GPM6A: variants seen among roughly 807,000 people sequenced by gnomAD.
The protein encoded by GPM6A is glycoprotein M6A, also known as neuronal membrane glycoprotein M6-a.
Under a neutral mutation model 32.1 loss-of-function variants are expected in GPM6A, and 7 were observed. The ratio of observed to expected loss-of-function variants is 0.22; its 90% CI spans 0.12 to 0.41. The LOEUF is 0.41. GPM6A is among the 10% of genes least tolerant of loss of function. The pLI, the probability that GPM6A is intolerant of heterozygous loss-of-function variation, is 1.00. For synonymous variants in GPM6A, 130 were observed against 123.4 expected, an observed-to-expected ratio of 1.05 and a Z score of -0.35; for missense variants, 235 against 347.2, an observed-to-expected ratio of 0.68 and a Z score of 2.57.
intron 1 of GPM6A, among the ~76,000 whole-genome samples, chr4:175,733,766 A>G (rs988015939): frequency 6.6e-6 from 1 of 152,236 alleles, no homozygotes; most frequent in South Asian, 2.1e-4. Flanking sequence ...TCCTGTTTTC[A>G]AGCTTGATTG....
At chr4:175,811,974 G>T (rs778132046) in intron 1 of GPM6A, 3 of 469,498 alleles carry the variant, frequency 6.4e-6, no homozygotes, top group Non-Finnish European at 1.1e-5. Flanking sequence ...ACTAATACTC[G>T]ACTCTGCATT....
At chr4:175,769,722 T>TA (rs1319735823) in intron 1 of GPM6A, among the ~76,000 whole-genome samples, 18 of 152,248 alleles carry the variant, frequency 1.2e-4, no homozygotes, top group African/African-American at 3.4e-4. Flanking sequence ...GTCTATGTCT[T>TA]ACTACCCTCA....
At chr4:175,768,881 A>G (rs1733078547) in intron 1 of GPM6A, among the ~76,000 whole-genome samples, 1 of 152,106 alleles carries the variant, frequency 6.6e-6, no homozygotes, top group African/African-American at 2.4e-5. Context: ...GGATCACTTG[A>G]GGTCAGGAGT....
chr4:175,773,600 C>T (rs1054170725), intron 1 of GPM6A, among the ~76,000 whole-genome samples: 2 of 152,094 alleles, frequency 1.3e-5, no homozygotes, highest in South Asian at 4.1e-4. Flanking sequence ...TATATTAGCA[C>T]ACTTGTGAGA....
At chr4:175,812,897 G>T, upstream of GPM6A, 1 of 984,816 alleles carries the variant, frequency 1.0e-6, no homozygotes, top group East Asian at 1.1e-4. Context: ...AAAGGATGCA[G>T]TTATACCATC....
intron 2 of GPM6A, among the ~76,000 whole-genome samples, chr4:175,692,903 T>C (rs188651254): frequency 1.4e-3 from 211 of 152,238 alleles, no homozygotes; most frequent in Non-Finnish European, 2.6e-3. Flanking sequence ...GGGTCTCTTT[T>C]TACCTTTATA....
At chr4:175,962,683 G>A (rs976256546) in intron 1 of GPM6A, among the ~76,000 whole-genome samples, 1 of 151,966 alleles carries the variant, frequency 6.6e-6, no homozygotes, top group Non-Finnish European at 1.5e-5. Flanking sequence ...TAGTAAACAC[G>A]GCCTAATTCC....
chr4:175,892,228 A>T (rs1428459225), intron 1 of GPM6A, among the ~76,000 whole-genome samples: 2 of 152,232 alleles, frequency 1.3e-5, no homozygotes, highest in Non-Finnish European at 2.9e-5. Context: ...CATAATTAAA[A>T]TCCTTAAATA....
intron 3 of GPM6A, among the ~76,000 whole-genome samples, chr4:175,654,614 G>T (rs1462456740): frequency 7.9e-5 from 12 of 152,020 alleles, no homozygotes; most frequent in Admixed American, 7.9e-4. Context: ...TTAAAAGAAT[G>T]ATGAGTTCTT....
intron 1 of GPM6A, among the ~76,000 whole-genome samples, chr4:175,991,773 C>G (rs1011330306): frequency 6.6e-6 from 1 of 151,882 alleles, no homozygotes; most frequent in African/African-American, 2.4e-5. Context: ...ATGATCTGTT[C>G]CATGCCCTGA....
At chr4:175,730,392 G>A (rs1731366813) in intron 1 of GPM6A, among the ~76,000 whole-genome samples, 1 of 151,492 alleles carries the variant, frequency 6.6e-6, no homozygotes, top group Non-Finnish European at 1.5e-5. Context: ...ACAGGCATGT[G>A]TCACCACGCC....
chr4:175,636,258 C>G (rs1184597642), intron 6 of GPM6A, among the ~76,000 whole-genome samples: 1 of 34,100 alleles, frequency 2.9e-5, no homozygotes, highest in Non-Finnish European at 7.2e-5. Context: ...AGCATAATCA[C>G]TGTATATATA....
intron 1 of GPM6A, among the ~76,000 whole-genome samples, chr4:175,758,913 A>G (rs1171202251): frequency 6.6e-6 from 1 of 152,216 alleles, no homozygotes; most frequent in African/African-American, 2.4e-5. Context: ...CAAGGCAGAC[A>G]GCCTCTTCCA....
intron 6 of GPM6A, among the ~76,000 whole-genome samples, chr4:175,639,614 A>T (rs1181391373): frequency 6.6e-6 from 1 of 152,170 alleles, no homozygotes; most frequent in Non-Finnish European, 1.5e-5. Context: ...GATCCTCCTC[A>T]TTGTGTAAAA....
intron 3 of GPM6A, among the ~76,000 whole-genome samples, chr4:175,668,517 T>TTGTGTGTGTGTG (rs1445605789): frequency 4.4e-5 from 1 of 22,798 alleles, no homozygotes; most frequent in Admixed American, 9.7e-4. Flanking sequence ...ATTCAAACGT[T>TTGTGTGTGTGTG]TATGTGTGTG....
chr4:175,955,752 G>A (rs1739964923), intron 1 of GPM6A, among the ~76,000 whole-genome samples: 1 of 152,154 alleles, frequency 6.6e-6, no homozygotes, highest in Non-Finnish European at 1.5e-5. Flanking sequence ...TACTGATGGA[G>A]CTTGCTTCAA....
chr4:175,747,269 CAAA>C (rs5864346), intron 1 of GPM6A, among the ~76,000 whole-genome samples: 54 of 109,534 alleles, frequency 4.9e-4, no homozygotes, highest in Admixed American at 1.1e-3. Context: ...ACTCCATCTC[CAAA>C]AAAAAAAAAA....
At position 175,819,371 on chromosome 4, in the gene GPM6A, G is replaced by C. The variant is rs557251995; in HGVS notation, c.-22-7122C>G. On this transcript the variant is annotated intron_variant, in intron 1 of 7. Transcript: ENST00000280187. The stretch of plus-strand genomic sequence containing the variant: ...CTAGGTATCTGAAGCTGAGCCAGGT[G>C]AACAGGACAGATGTAGTTTCCTGCT... 3.3e-5 allele frequency among the ~76,000 whole-genome samples: 5 copies of C among 152,276 alleles called. No individual in the cohort carries two copies. The South Asian group carries it at 1.0e-3, about 32-fold the overall frequency.
At chr4:175,866,298 A>G (rs990880593) in intron 1 of GPM6A, among the ~76,000 whole-genome samples, 2 of 152,116 alleles carry the variant, frequency 1.3e-5, no homozygotes, top group African/African-American at 4.8e-5. Flanking sequence ...TCCAAAGTCC[A>G]TAGTTTGCCT....
Sources: gnomAD v4.1 joint callset for allele counts (sites outside exome capture counted in the v4.1 genomes callset) on GRCh38, gnomAD v4.1.1 for gene constraint, MANE v1.5 for transcripts, NCBI Gene and HGNC (gene_info 2026-07-23, HGNC 2026-07-21) for gene names.